ATM: variants seen among roughly 807,000 people sequenced by gnomAD.
ATM encodes serine-protein kinase ATM.
ATM carries 308 observed loss-of-function variants against 387.0 expected under a neutral mutation model. The observed-to-expected ratio is 0.80, with a 90% CI of 0.73 to 0.87. The LOEUF is 0.87. Among genes scored for constraint, ATM ranks in the 40% least tolerant of loss-of-function variants. The pLI is 0.00. For missense variants in ATM, 3,312 were observed against 3,560.9 expected (o/e 0.93, Z 1.78); for synonymous variants, 1,156 against 1,187.3 (o/e 0.97, Z 0.54).
rs1445472389 is a variant in ATM at position 108,271,057 on chromosome 11, A to G, written c.2839-7A>G. 1.2e-6 allele frequency: 2 copies of G among 1,611,944 alleles called. No homozygotes were observed. Among genetic ancestry groups the G allele is most frequent in the South Asian group, 1.1e-5 (1 of 91,050 alleles). Reference sequence around the variant, plus strand: ...AAACCTGATTTTTTTCCCTCCTACCATCTTAGTATCTAATGCTTTTAAAGG... The same window carrying G: ...AAACCTGATTTTTTTCCCTCCTACCGTCTTAGTATCTAATGCTTTTAAAGG... On this transcript the variant is annotated splice_region_variant and splice_polypyrimidine_tract_variant and intron_variant, in intron 18 of 62. Coordinates refer to ENST00000675843, the MANE Select transcript of ATM (RefSeq NM_000051.4).
At chr11:108,305,780 C>T (rs2135953912) in intron 37 of ATM, among the ~76,000 whole-genome samples, 1 of 152,162 alleles carries the variant, frequency 6.6e-6, no homozygotes, top group East Asian at 1.9e-4. Flanking sequence ...ATGTATAATA[C>T]ATATATGCAT....
rs2905096 is a variant in ATM at position 108,368,222 on chromosome 11, T to G, written c.*2714T>G. The G allele has an allele frequency of 9.7e-6, 2 of 206,934 alleles. No individual in the cohort carries two copies. The highest frequency in any genetic ancestry group is 1.9e-4 in the South Asian group (1 of 5,280). 12.8% of individuals were successfully genotyped at this position (206,934 alleles called of 1,614,324 possible). A position where few individuals can be genotyped will look rare whatever the true frequency, so the allele number is the denominator to read the frequency against. On this transcript the variant is annotated 3_prime_UTR_variant, in exon 63 of 63. Transcript: ENST00000675843. ...TTAAGATTATAAAAGATTTTTTTTT[T>G]GTAATTTTAGTAGAGACAGGGTTGC...
At chr11:108,260,831 G>C (rs1340470239) in intron 16 of ATM, among the ~76,000 whole-genome samples, 2 of 152,234 alleles carry the variant, frequency 1.3e-5, no homozygotes, top group African/African-American at 4.8e-5. Context: ...CACTCAGGAA[G>C]TGCAAGGGGT....
rs2136449985 is a variant in ATM at position 108,330,195 on chromosome 11, C to T, written c.7308-19C>T. 1.2e-6 allele frequency: 2 copies of T among 1,609,252 alleles called. No homozygotes were observed. The highest frequency in any genetic ancestry group is 1.1e-5 in the South Asian group (1 of 90,780). On this transcript the variant is annotated intron_variant, in intron 49 of 62. Coordinates refer to ENST00000675843, the MANE Select transcript of ATM (RefSeq NM_000051.4). Reference sequence around the variant, plus strand: ...AAAGTTCATGGCTTTTGTGTTTTACCTTAATTATTCTATGCAAGATACACA... The same window carrying T: ...AAAGTTCATGGCTTTTGTGTTTTACTTTAATTATTCTATGCAAGATACACA...
chr11:108,356,984 G>C (rs763989369), intron 61 of ATM, among the ~76,000 whole-genome samples: 7 of 152,212 alleles, frequency 4.6e-5, no homozygotes, highest in Non-Finnish European at 1.0e-4. Flanking sequence ...ACAGCTCCCA[G>C]CGTGAGCGAT....
chr11:108,242,602 G>C (rs1324096774), intron 5 of ATM, among the ~76,000 whole-genome samples: 1 of 152,162 alleles, frequency 6.6e-6, no homozygotes, highest in Non-Finnish European at 1.5e-5. Flanking sequence ...GCTTACACCT[G>C]TCATCTCAGC....
At chr11:108,314,619 T>C (rs1043301939) in intron 40 of ATM, among the ~76,000 whole-genome samples, 2 of 152,146 alleles carry the variant, frequency 1.3e-5, no homozygotes, top group African/African-American at 4.8e-5. Flanking sequence ...AGTTGACCCT[T>C]GAACAGTGTA....
chr11:108,250,804 C>T lies in ATM; in HGVS notation c.1339C>T (p.Arg447Ter), dbSNP rs587779815. ...MILSQLLPQQ[R>*]HGERTPYVLR... Reference sequence around the variant, plus strand: ...ACTATCTCAGCTTCTACCCCAACAGCGACATGGGGAACGTACACCATATGT... The same window carrying T: ...ACTATCTCAGCTTCTACCCCAACAGTGACATGGGGAACGTACACCATATGT... Residue 447 changes from arginine (R) to a stop codon, truncating the protein, a stop_gained, in exon 10 of 63, where the codon CGA becomes TGA. Coordinates refer to ENST00000675843, the MANE Select transcript of ATM (RefSeq NM_000051.4). LOFTEE classifies it high-confidence loss of function. 6 of 1,613,682 alleles carry T rather than the reference C, an allele frequency of 3.7e-6. No individual in the cohort carries two copies. The highest frequency in any genetic ancestry group is 1.3e-5 in the African/African-American group (1 of 74,778).
In ATM at chr11:108,272,517, C is replaced by A. The variant is rs753866590; in HGVS notation, c.3078-15C>A. On this transcript the variant is annotated splice_polypyrimidine_tract_variant and intron_variant, in intron 20 of 62. Coordinates refer to ENST00000675843, the MANE Select transcript of ATM (RefSeq NM_000051.4). ...AGAATGATTATTTAACTTTGGAAAA[C>A]TTACTTGATTTCAGGCATCTAACAA... 1.3e-6 allele frequency: 2 copies of A among 1,597,842 alleles called. No homozygotes were observed. Among genetic ancestry groups the A allele is most frequent in the South Asian group, 2.2e-5 (2 of 90,674 alleles).
intron 43 of ATM, among the ~76,000 whole-genome samples, 199 bp downstream of exon 43, chr11:108,317,720 A>G (rs1036143041): frequency 6.7e-6 from 1 of 148,212 alleles, no homozygotes; most frequent in African/African-American, 2.5e-5. Context: ...GTGTGTATAT[A>G]TATATAAAAA....
chr11:108,235,868 C>T (rs2135127572), intron 5 of ATM, 34 bp downstream of exon 5: 2 of 1,611,650 alleles, frequency 1.2e-6, no homozygotes, highest in East Asian at 4.5e-5. Context: ...GTGAATTTTT[C>T]CTCATGAAAT....
At position 108,345,729 on chromosome 11, in the gene ATM, T is replaced by A; in HGVS notation, c.8419-14T>A. 1.3e-6 allele frequency: 2 copies of A among 1,547,668 alleles called. No individual in the cohort carries two copies. On this transcript the variant is annotated splice_polypyrimidine_tract_variant and intron_variant, in intron 57 of 62. Transcript: ENST00000675843. ...CAATATTGAAAAATAATTATATATA[T>A]TCTCTATTTAAAGGAGGTGCAAAAA...
At position 108,302,934 on chromosome 11, in the gene ATM, A is replaced by T. The variant is rs2083502328; in HGVS notation, c.5401A>T (p.Asn1801Tyr). Residue 1801 changes from asparagine (N) to tyrosine (Y), a missense_variant, in exon 36 of 63, where the codon AAT becomes TAT. Physicochemically the swap from Asn to Tyr is moderately radical, Grantham distance 143 (BLOSUM62 -2). Transcript: ENST00000675843. Reference sequence around the variant, plus strand: ...AAATCTGTGGATTCCTCTAAGTGAAAATCATGACATTTGGATAAAGACACT... The same window carrying T: ...AAATCTGTGGATTCCTCTAAGTGAATATCATGACATTTGGATAAAGACACT... ...DINLWIPLSE[N>Y]HDIWIKTLTC... is the part of the protein sequence containing the mutation. 6.2e-7 allele frequency: 1 copy of T among 1,613,472 alleles called. No individual in the cohort carries two copies. Among genetic ancestry groups the T allele is most frequent in the Non-Finnish European group, 8.5e-7 (1 of 1,179,480 alleles).
chr11:108,350,636 G>A (rs1351949107), intron 59 of ATM, among the ~76,000 whole-genome samples: 1 of 152,212 alleles, frequency 6.6e-6, no homozygotes, highest in African/African-American at 2.4e-5. Context: ...CCAACATTCA[G>A]CGAATGTGAG....
At chr11:108,287,931 T>A (rs896074305) in intron 27 of ATM, among the ~76,000 whole-genome samples, 4 of 152,230 alleles carry the variant, frequency 2.6e-5, no homozygotes, top group African/African-American at 7.2e-5. Flanking sequence ...GACCACTTGG[T>A]TGGCCAACCC....
chr11:108,326,092 A>G lies in ATM; in HGVS notation c.6842A>G (p.Tyr2281Cys), dbSNP rs2136332870. 1 of 1,614,180 alleles carries G rather than the reference A, an allele frequency of 6.2e-7. No individual in the cohort carries two copies. Reference sequence around the variant, plus strand: ...AGGGCAATATTTCAAATTAAACAGTACAATTCAGTTAGCTGTGGAGTCTCT... The same window carrying G: ...AGGGCAATATTTCAAATTAAACAGTGCAATTCAGTTAGCTGTGGAGTCTCT... ...PERAIFQIKQ[Y>C]NSVSCGVSEW... The change falls in exon 47 of 63, where the codon TAC (tyrosine) becomes TGC (cysteine). Residue 2281 changes from tyrosine to cysteine, a missense_variant. Physicochemically the swap from Tyr to Cys is radical, Grantham distance 194 (BLOSUM62 -2). Coordinates refer to ENST00000675843, the MANE Select transcript of ATM (RefSeq NM_000051.4).
At position 108,331,877 on chromosome 11, in the gene ATM, A is replaced by C. The variant is rs587779866; in HGVS notation, c.7630-2A>C. 17 of 1,613,150 alleles carry C rather than the reference A, an allele frequency of 1.1e-5. No homozygotes were observed. Among genetic ancestry groups the C allele is most frequent in the Non-Finnish European group, 1.4e-5 (17 of 1,179,372 alleles). On this transcript the variant is annotated splice_acceptor_variant, in intron 51 of 62. Coordinates refer to ENST00000675843, the MANE Select transcript of ATM (RefSeq NM_000051.4). LOFTEE classifies it high-confidence loss of function. ...ATAAATCTAATAGTTCTTTTCTTACAGCTAATCTCTAGAATTTCAATGGAT... is the reference window on the plus strand; with the variant it reads ...ATAAATCTAATAGTTCTTTTCTTACCGCTAATCTCTAGAATTTCAATGGAT...
chr11:108,308,862 A>G, intron 38 of ATM: 1 of 644,666 alleles, frequency 1.6e-6, no homozygotes, highest in Non-Finnish European at 2.7e-6. Context: ...TTAGAGTTTT[A>G]TACCAGATTA....
intron 43 of ATM, among the ~76,000 whole-genome samples, chr11:108,318,953 A>C (rs1234899747): frequency 6.6e-6 from 1 of 152,132 alleles, no homozygotes; most frequent in Non-Finnish European, 1.5e-5. Context: ...AGGAGGGTGG[A>C]TCACATGAGG....
Sources: allele counts gnomAD v4.1 joint callset (sites outside exome capture counted in the v4.1 genomes callset), GRCh38; gene constraint gnomAD v4.1.1; transcripts MANE v1.5; gene names NCBI Gene and HGNC (gene_info 2026-07-23, HGNC 2026-07-21).